Variants in CCNB1IP1 observed in about 807,000 individuals in gnomAD.
The protein encoded by CCNB1IP1 is E3 ubiquitin-protein ligase CCNB1IP1.
CCNB1IP1 carries 14 observed loss-of-function variants against 25.6 expected under a neutral mutation model. The ratio of observed to expected loss-of-function variants is 0.55; its 90% CI spans 0.36 to 0.85. The LOEUF is 0.85. Among genes scored for constraint, CCNB1IP1 ranks in the 40% least tolerant of loss-of-function variants. CCNB1IP1 has a pLI of 0.01. For missense variants in CCNB1IP1, 278 were observed against 342.4 expected, an observed-to-expected ratio of 0.81 and a Z score of 1.48; for synonymous variants, 119 against 116.1, an observed-to-expected ratio of 1.02 and a Z score of -0.16.
chr14:20,311,903 C>A, intron 6 of CCNB1IP1, 151 bp from the exon 7 acceptor site: 1 of 487,950 alleles, frequency 2.0e-6, no homozygotes, highest in South Asian at 5.2e-5. Flanking sequence ...TCTTTTACCC[C>A]AGGTTAAGAA....
chr14:20,318,226 C>T (rs1189276175), intron 4 of CCNB1IP1: 2 of 152,296 alleles, frequency 1.3e-5, no homozygotes, highest in East Asian at 3.8e-4. Flanking sequence ...GTAATCCCAA[C>T]ACTTTGGGAG....
intron 6 of CCNB1IP1, among the ~76,000 whole-genome samples, chr14:20,312,115 G>C (rs1432561087): frequency 6.6e-6 from 1 of 152,058 alleles, no homozygotes; most frequent in East Asian, 1.9e-4. Context: ...GGAAAATGCT[G>C]ACTATATATC....
At chr14:20,324,216 T>C (rs878925997) in intron 4 of CCNB1IP1, among the ~76,000 whole-genome samples, 1 of 152,206 alleles carries the variant, frequency 6.6e-6, no homozygotes, top group Non-Finnish European at 1.5e-5. Flanking sequence ...AGACGAAGTC[T>C]AGCTCTGTCA....
Position 20,316,574 on chromosome 14 carries a change from A to G in CCNB1IP1, c.-37-14T>C, listed in dbSNP as rs778787015. ...CTGAAGAGAGGCCTAAGAAGGGGTA[A>G]ATAAAAAGGCCAAGTAAGTTAAATT... On this transcript the variant is annotated splice_polypyrimidine_tract_variant and intron_variant, in intron 4 of 6. Coordinates refer to ENST00000358932, the MANE Select transcript of CCNB1IP1 (RefSeq NM_021178.5). 8.1e-6 allele frequency: 12 copies of G among 1,480,380 alleles called. No homozygotes were observed. The South Asian group carries it at 1.3e-4, about 16-fold the overall frequency. The allele number at this position is 1,480,380 out of a possible 1,614,324, so 91.7% of individuals were successfully genotyped here. A position where few individuals can be genotyped will look rare whatever the true frequency, so the allele number is the denominator to read the frequency against.
intron 6 of CCNB1IP1, 88 bp downstream of exon 6, chr14:20,313,380 C>T (rs923687760): frequency 3.1e-5 from 32 of 1,047,858 alleles, no homozygotes; most frequent in Non-Finnish European, 4.0e-5. Context: ...TTATCCTTAT[C>T]GTCTCGACTG....
intron 6 of CCNB1IP1, among the ~76,000 whole-genome samples, chr14:20,312,408 G>A (rs968531169): frequency 1.3e-5 from 2 of 151,280 alleles, no homozygotes; most frequent in African/African-American, 4.9e-5. Flanking sequence ...TAGAGACAGG[G>A]TCTCACTATA....
At chr14:20,320,343 T>C (rs1181146127) in intron 4 of CCNB1IP1, 1 of 456,000 alleles carries the variant, frequency 2.2e-6, no homozygotes, top group Non-Finnish European at 4.4e-6. Flanking sequence ...AAAGCAAACA[T>C]TCCAACAACT....
At chr14:20,321,755 G>A (rs7152084) in intron 4 of CCNB1IP1, among the ~76,000 whole-genome samples, 48,373 of 152,026 alleles carry the variant, frequency 0.32, 8,544 homozygotes, top group African/African-American at 0.48. Flanking sequence ...TTAATTTAAA[G>A]AATACGTTTC....
At chr14:20,332,003 T>TAC (rs1316534553) in intron 1 of CCNB1IP1, among the ~76,000 whole-genome samples, 51 of 107,788 alleles carry the variant, frequency 4.7e-4, no homozygotes, top group Middle Eastern at 4.5e-3. Flanking sequence ...ATGATGTGTA[T>TAC]ACATATATAT....
rs1841088678 is a variant in CCNB1IP1, at chr14:20,316,320, T to C, written c.204A>G (p.Pro68=). Residue 68 remains proline (P), a synonymous_variant, in exon 5 of 7, where the codon CCA becomes CCG. Coordinates refer to ENST00000358932, the MANE Select transcript of CCNB1IP1 (RefSeq NM_021178.5). The stretch of plus-strand genomic sequence containing the variant: ...ATACCATAGCTTTATATTCCTCTGA[T>C]GGACTGAGTTCTGTGCGGACAATAT... The part of the protein sequence containing the change: ...KLDIVRTELS[P]SEEYKAMVLA... The C allele has an allele frequency of 1.9e-6, 3 of 1,613,992 alleles. No homozygotes were observed. Among genetic ancestry groups the C allele is most frequent in the Admixed American group, 1.7e-5 (1 of 60,014 alleles).
chr14:20,327,679 A>C (rs1883117608), intron 2 of CCNB1IP1, among the ~76,000 whole-genome samples: 1 of 151,962 alleles, frequency 6.6e-6, no homozygotes, highest in South Asian at 2.1e-4. Context: ...CTGCAGTTAT[A>C]CTTTCATCAT....
chr14:20,317,404 A>G (rs76876228), intron 4 of CCNB1IP1, among the ~76,000 whole-genome samples: 43 of 132,886 alleles, frequency 3.2e-4, no homozygotes, highest in African/African-American at 8.4e-4. Flanking sequence ...TCCCAGAAGG[A>G]AAAAAAAAAA....
At chr14:20,316,991 C>T (rs181942000) in intron 4 of CCNB1IP1, among the ~76,000 whole-genome samples, 1 of 152,224 alleles carries the variant, frequency 6.6e-6, no homozygotes, top group East Asian at 1.9e-4. Context: ...AGCCTCTAAT[C>T]CCAGCTACTC....
chr14:20,316,457 C>A lies in CCNB1IP1; in HGVS notation c.67G>T (p.Ala23Ser), dbSNP rs774706183. 2.5e-6 allele frequency: 4 copies of A among 1,613,588 alleles called. No individual in the cohort carries two copies. In the African/African-American group the frequency reaches 4.0e-5, roughly 16 times the overall value. The change falls in exon 5 of 7, where the codon GCA (alanine) becomes TCA (serine). Residue 23 changes from alanine to serine, a missense_variant. Physicochemically the swap from Ala to Ser is moderately conservative, Grantham distance 99 (BLOSUM62 1). Coordinates refer to ENST00000358932, the MANE Select transcript of CCNB1IP1 (RefSeq NM_021178.5). The part of the protein sequence containing the change: ...RKCRIKLSGY[A>S]WVTACSHIFC... ...ATGTGAGAGCAGGCAGTGACCCATG[C>A]ATAGCCAGAGAGTTTGATGCGACAC... is the stretch of plus-strand genomic sequence containing the variant.
At chr14:20,329,399 T>G (rs994089363) in intron 1 of CCNB1IP1, 26 bp from the exon 2 acceptor site, 1 of 152,156 alleles carries the variant, frequency 6.6e-6, no homozygotes, top group African/African-American at 2.4e-5. Context: ...CACACAAAAT[T>G]TTGTTCATAG....
rs1009860978 is a variant in CCNB1IP1 at position 20,312,386 on chromosome 14, C to CT, written c.632-635dup. Among the ~76,000 whole-genome samples the CT allele has an allele frequency of 8.7e-4, 128 of 147,260 alleles. 1 individual carries two copies. Among genetic ancestry groups the CT allele is most frequent in the African/African-American group, 2.2e-3 (87 of 40,366 alleles). On this transcript the variant is annotated intron_variant, in intron 6 of 6. Transcript: ENST00000358932. Reference sequence around the variant, plus strand: ...TCATCACCTCAAACCTGCCCCCCACCTTTTTTTTTTGTAGAGACAGGGTCT... The same window carrying CT: ...TCATCACCTCAAACCTGCCCCCCACCTTTTTTTTTTTGTAGAGACAGGGTCT...
chr14:20,315,716 A>C, intron 5 of CCNB1IP1: 1 of 1,198,080 alleles, frequency 8.3e-7, no homozygotes, highest in South Asian at 1.4e-5. Context: ...ATTATGATAC[A>C]ATATAACCAT....
chr14:20,311,590 T>C lies in CCNB1IP1; in HGVS notation c.794A>G (p.Gln265Arg). 6.2e-7 allele frequency: 1 copy of C among 1,614,026 alleles called. No homozygotes were observed. Among genetic ancestry groups the C allele is most frequent in the Non-Finnish European group, 8.5e-7 (1 of 1,180,020 alleles). ...TTTGAAGGCCCTGCTAGAAACTTGC[T>C]GCTGCTCTAATTCACGACTTGGAGA... ...FVSPSRELEQ[Q>R]QVSSRAFKVK... The change falls in exon 7 of 7, where the codon CAG (glutamine) becomes CGG (arginine). Residue 265 changes from glutamine to arginine, a missense_variant. Gln to Arg is a conservative substitution (Grantham distance 43). Transcript: ENST00000358932.
At chr14:20,316,680 T>C (rs1882710336) in intron 4 of CCNB1IP1, 120 bp from the exon 5 acceptor site, 6 of 584,144 alleles carry the variant, frequency 1.0e-5, no homozygotes, top group Non-Finnish European at 1.8e-5. Flanking sequence ...ATATTCCTTG[T>C]ATTTATTATA....
Sources: allele counts gnomAD v4.1 joint callset (sites outside exome capture counted in the v4.1 genomes callset), GRCh38; gene constraint gnomAD v4.1.1; transcripts MANE v1.5; gene names NCBI Gene and HGNC (gene_info 2026-07-23, HGNC 2026-07-21).